The following TMC2 variants were observed in gnomAD, a reference collection of about 807,000 sequenced individuals.
TMC2 encodes the protein transmembrane channel-like protein 2.
TMC2 carries 102 observed loss-of-function variants against 105.9 expected under a neutral mutation model. The observed-to-expected ratio is 0.96, with a 90% CI of 0.82 to 1.14. The LOEUF (loss-of-function observed/expected upper bound fraction) is 1.14, where lower values mean the gene tolerates loss of function less well. TMC2 is among the 50% of genes most tolerant of loss of function. The pLI, the probability that TMC2 is intolerant of heterozygous loss-of-function variation, is 0.00. For synonymous variants in TMC2, 402 were observed against 422.8 expected, an observed-to-expected ratio of 0.95 and a Z score of 0.60; for missense variants, 1,093 against 1,134.3, an observed-to-expected ratio of 0.96 and a Z score of 0.52.
chr20:2,579,714 G>A (rs901979507), intron 6 of TMC2, among the ~76,000 whole-genome samples: 23 of 152,088 alleles, frequency 1.5e-4, no homozygotes, highest in East Asian at 1.9e-4. Context: ...GTGAGCCACC[G>A]CACTCATCCC....
chr20:2,634,631 A>C (rs2086628370), intron 17 of TMC2, among the ~76,000 whole-genome samples: 1 of 152,206 alleles, frequency 6.6e-6, no homozygotes, highest in Admixed American at 6.5e-5. Context: ...TGGGAGGTAC[A>C]TAGCCACCCA....
At chr20:2,606,372 G>C (rs2086391864) in intron 11 of TMC2, among the ~76,000 whole-genome samples, 1 of 152,124 alleles carries the variant, frequency 6.6e-6, no homozygotes, top group Non-Finnish European at 1.5e-5. Context: ...CAATTCTCCT[G>C]CCTCAGCCTC....
chr20:2,541,888 A>T (rs2085892037), intron 2 of TMC2, among the ~76,000 whole-genome samples: 1 of 125,914 alleles, frequency 7.9e-6, no homozygotes, highest in African/African-American at 2.7e-5. Flanking sequence ...TAACTAGTAA[A>T]ACTGCATTTT....
At chr20:2,636,868 C>A (rs2086650728) in intron 18 of TMC2, among the ~76,000 whole-genome samples, 1 of 152,134 alleles carries the variant, frequency 6.6e-6, no homozygotes, top group Admixed American at 6.5e-5. Context: ...GCCTTGGTCT[C>A]CCAAAGTGCT....
At chr20:2,584,294 A>C (rs988803959) in intron 7 of TMC2, among the ~76,000 whole-genome samples, 2 of 148,084 alleles carry the variant, frequency 1.4e-5, no homozygotes, top group African/African-American at 2.6e-5. Context: ...AATACAAAAA[A>C]TTAGCCGGGC....
At chr20:2,540,235 C>T (rs1193452510) in intron 2 of TMC2, among the ~76,000 whole-genome samples, 12 of 151,782 alleles carry the variant, frequency 7.9e-5, no homozygotes, top group African/African-American at 2.2e-4. Context: ...GTGATCCACC[C>T]GCCTCAGCCT....
At chr20:2,611,789 G>T (rs2086440032) in intron 12 of TMC2, among the ~76,000 whole-genome samples, 2 of 150,138 alleles carry the variant, frequency 1.3e-5, no homozygotes, top group African/African-American at 4.9e-5. Flanking sequence ...TGAATGACTG[G>T]ATAGATGCAT....
intron 19 of TMC2, among the ~76,000 whole-genome samples, chr20:2,637,911 A>G (rs1202596621): frequency 6.6e-6 from 1 of 152,286 alleles, no homozygotes; most frequent in Non-Finnish European, 1.5e-5. Flanking sequence ...GGCATCTACA[A>G]TGGTGGCCCC....
chr20:2,552,320 T>G (rs1366506489), intron 2 of TMC2, among the ~76,000 whole-genome samples: 1 of 152,178 alleles, frequency 6.6e-6, no homozygotes, highest in African/African-American at 2.4e-5. Flanking sequence ...TTTGCTGGGA[T>G]TTTGATTGAA....
rs2085933261 is a variant in TMC2, at chr20:2,547,639, A to ACCTTTTT, written c.82+10323_82+10324insCCTTTTT. ...CAAAGGTAGTCTTAGGTAAAAAGGTATTCTGAAAGGTATTTAACTTCATTT... is the reference window on the plus strand; with the variant it reads ...CAAAGGTAGTCTTAGGTAAAAAGGTACCTTTTTTTCTGAAAGGTATTTAACTTCATTT... On this transcript the variant is annotated intron_variant, in intron 2 of 19. Coordinates refer to ENST00000358864, the MANE Select transcript of TMC2 (RefSeq NM_080751.3). Among the ~76,000 whole-genome samples the ACCTTTTT allele has an allele frequency of 2.0e-5, 3 of 152,232 alleles. No homozygotes were observed. In the South Asian group the frequency reaches 6.2e-4, roughly 31 times the overall value.
chr20:2,624,307 C>A lies in TMC2; in HGVS notation c.2217C>A (p.Thr739=). 6.2e-7 allele frequency: 1 copy of A among 1,614,148 alleles called. No homozygotes were observed. Among genetic ancestry groups the A allele is most frequent in the Non-Finnish European group, 8.5e-7 (1 of 1,180,010 alleles). ...GAATGTACGATGTCCTCCAAGAGAC[C>A]ATTGAAAACGATTTCCCAACCTTCC... The part of the protein sequence containing the change: ...KNRMYDVLQE[T]IENDFPTFLG... Residue 739 remains threonine, a synonymous_variant, in exon 17 of 20, where the codon ACC becomes ACA. Coordinates refer to ENST00000358864, the MANE Select transcript of TMC2 (RefSeq NM_080751.3).
At chr20:2,547,002 A>G (rs2085930138) in intron 2 of TMC2, among the ~76,000 whole-genome samples, 1 of 152,220 alleles carries the variant, frequency 6.6e-6, no homozygotes, top group South Asian at 2.1e-4. Flanking sequence ...GTGGATAACC[A>G]TAATTTTTAC....
At chr20:2,633,685 C>T (rs1346897614) in intron 17 of TMC2, among the ~76,000 whole-genome samples, 14 of 152,164 alleles carry the variant, frequency 9.2e-5, no homozygotes, top group Non-Finnish European at 1.8e-4. Context: ...TCCATTCTAC[C>T]TCCTCCAGTG....
intron 2 of TMC2, among the ~76,000 whole-genome samples, chr20:2,546,699 G>A (rs1217432071): frequency 6.6e-6 from 1 of 152,116 alleles, no homozygotes; most frequent in Admixed American, 6.5e-5. Flanking sequence ...CTTCCAACTG[G>A]GGTTCTAAAA....
chr20:2,570,369 A>G (rs922317560), intron 4 of TMC2, among the ~76,000 whole-genome samples: 3 of 152,182 alleles, frequency 2.0e-5, no homozygotes, highest in African/African-American at 7.2e-5. Flanking sequence ...ATTCAAGCAG[A>G]GAACCAAATC....
chr20:2,538,141 A>C (rs1330981225), intron 2 of TMC2, among the ~76,000 whole-genome samples: 1 of 151,954 alleles, frequency 6.6e-6, no homozygotes, highest in Non-Finnish European at 1.5e-5. Flanking sequence ...GAGCCACTTC[A>C]TCTGCCCTTT....
At chr20:2,612,370 C>A (rs779856264) in intron 13 of TMC2, 30 bp downstream of exon 13, 8 of 1,493,362 alleles carry the variant, frequency 5.4e-6, no homozygotes, top group Middle Eastern at 1.8e-4. Flanking sequence ...AAAAAGGTGA[C>A]CCCTGTTCTC....
chr20:2,625,690 C>T (rs1189179200), intron 17 of TMC2, among the ~76,000 whole-genome samples: 1 of 152,186 alleles, frequency 6.6e-6, no homozygotes, highest in Non-Finnish European at 1.5e-5. Flanking sequence ...TTGCAAACTG[C>T]GCTCCAGCCA....
intron 2 of TMC2, among the ~76,000 whole-genome samples, chr20:2,555,610 G>A (rs1568503626): frequency 6.6e-6 from 1 of 152,032 alleles, no homozygotes; most frequent in Non-Finnish European, 1.5e-5. Context: ...TTCTTTAGTT[G>A]GTGTACTGAG....
Sources: gnomAD v4.1 joint callset for allele counts (sites outside exome capture counted in the v4.1 genomes callset) on GRCh38, gnomAD v4.1.1 for gene constraint, MANE v1.5 for transcripts, NCBI Gene and HGNC (gene_info 2026-07-23, HGNC 2026-07-21) for gene names.